The following DCC variants were observed in gnomAD, a reference collection of about 807,000 sequenced individuals.
DCC encodes netrin receptor DCC.
A neutral mutation model predicts 172.5 loss-of-function variants in DCC; 58 were observed. The observed-to-expected ratio is 0.34, with a 90% CI of 0.27 to 0.42. The LOEUF is 0.42. Ranked by LOEUF, DCC falls within the 10% of genes least tolerant of loss-of-function variation. DCC has a pLI of 1.00. For synonymous variants in DCC, 709 were observed against 644.5 expected (o/e 1.10, Z -1.52); for missense variants, 1,740 against 1,791.0 (o/e 0.97, Z 0.51).
rs1016112037 is a variant in DCC, at chr18:52,405,654, G to T, written c.91+64776G>T. On this transcript the variant is annotated intron_variant, in intron 1 of 28. Coordinates refer to ENST00000442544, the MANE Select transcript of DCC (RefSeq NM_005215.4). ...TCTTCAAGGAGAACTACAAACCACT[G>T]CTCAAGGAAATAAAAGAGGATACAA... Among the ~76,000 whole-genome samples the T allele has an allele frequency of 8.9e-4, 134 of 150,950 alleles. 1 individual carries two copies. The East Asian group carries it at 0.02, about 23-fold the overall frequency.
chr18:52,576,393 G>A (rs546065517), intron 1 of DCC, among the ~76,000 whole-genome samples: 1 of 152,278 alleles, frequency 6.6e-6, no homozygotes, highest in Admixed American at 6.5e-5. Context: ...TCGTGACTAA[G>A]AGTATATATG....
intron 21 of DCC, among the ~76,000 whole-genome samples, chr18:53,425,357 C>CTTTTTTTTTTTTTT (rs747096336): frequency 1.1e-4 from 11 of 101,650 alleles, no homozygotes; most frequent in East Asian, 2.9e-4. Flanking sequence ...TTTCTCCTCT[C>CTTTTTTTTTTTTTT]TTTTTTTTTT....
At chr18:53,343,815 TAGATTTAATTTTTTATAC>T (rs1315857419) in intron 15 of DCC, among the ~76,000 whole-genome samples, 1 of 152,064 alleles carries the variant, frequency 6.6e-6, no homozygotes, top group Non-Finnish European at 1.5e-5. Flanking sequence ...GCTTTGATAA[TAGATTTAATTTTTTATAC>T]AGATATAGGT....
chr18:53,217,099 G>A (rs2055863246), intron 12 of DCC, among the ~76,000 whole-genome samples: 1 of 152,026 alleles, frequency 6.6e-6, no homozygotes, highest in Non-Finnish European at 1.5e-5. Flanking sequence ...TTGTGTTTGT[G>A]TGTTCATACC....
At chr18:52,442,456 G>T (rs1428111540) in intron 1 of DCC, among the ~76,000 whole-genome samples, 2 of 152,128 alleles carry the variant, frequency 1.3e-5, no homozygotes, top group Non-Finnish European at 2.9e-5. Context: ...AGGTTACTTA[G>T]ACACCATCTG....
chr18:52,767,930 G>GT (rs1241612653), intron 2 of DCC, among the ~76,000 whole-genome samples: 2 of 152,192 alleles, frequency 1.3e-5, no homozygotes, highest in East Asian at 3.9e-4. Flanking sequence ...GGAAGAAAAT[G>GT]TGAGTGCTGA....
Position 52,348,725 on chromosome 18 carries a change from T to C in DCC, c.91+7847T>C, listed in dbSNP as rs150646343. On this transcript the variant is annotated intron_variant, in intron 1 of 28. Transcript: ENST00000442544. ...GGCATAGATGTTATCAGTAGTCTAA[T>C]GTTCAGGAAGTTGTCGCCTAATACT... Among the ~76,000 whole-genome samples the C allele has an allele frequency of 2.1e-4, 32 of 152,334 alleles. No homozygotes were observed. The East Asian group carries it at 5.4e-3, about 26-fold the overall frequency.
intron 5 of DCC, among the ~76,000 whole-genome samples, chr18:53,034,868 A>G (rs1164232811): frequency 6.6e-6 from 1 of 152,014 alleles, no homozygotes; most frequent in Non-Finnish European, 1.5e-5. Flanking sequence ...CATTTCAAAC[A>G]CATTCCTGAC....
intron 22 of DCC, among the ~76,000 whole-genome samples, chr18:53,442,985 TAAGAACAGAAGCCGTCTCTATA>T (rs750749574): frequency 1.8e-4 from 28 of 152,174 alleles, no homozygotes; most frequent in Non-Finnish European, 3.8e-4. Context: ...TCATGTGGTT[TAAGAACAGAAGCCGTCTCTATA>T]ACAGAAAAGT....
At chr18:53,278,068 C>CA (rs1053211338) in intron 12 of DCC, among the ~76,000 whole-genome samples, 4 of 151,814 alleles carry the variant, frequency 2.6e-5, no homozygotes, top group African/African-American at 9.7e-5. Flanking sequence ...ATCTTAATAA[C>CA]AAAAAAATTA....
chr18:52,461,213 G>A (rs1188089530), intron 1 of DCC, among the ~76,000 whole-genome samples: 3 of 151,980 alleles, frequency 2.0e-5, no homozygotes, highest in Non-Finnish European at 2.9e-5. Context: ...CTAGGCCTAC[G>A]CAGGGTCAGG....
At position 53,530,955 on chromosome 18, in the gene DCC, A is replaced by G. The variant is rs2144637812; in HGVS notation, c.*302A>G. On this transcript the variant is annotated 3_prime_UTR_variant, in exon 29 of 29. Coordinates refer to ENST00000442544, the MANE Select transcript of DCC (RefSeq NM_005215.4). Reference sequence around the variant, plus strand: ...GGGCCTTTGTCACTGCAGTGACCACACTGTCATAACTAATACCTATGTTTT... The same window carrying G: ...GGGCCTTTGTCACTGCAGTGACCACGCTGTCATAACTAATACCTATGTTTT... The G allele has an allele frequency of 2.1e-6, 1 of 477,390 alleles. No individual in the cohort carries two copies. Among genetic ancestry groups the G allele is most frequent in the East Asian group, 4.2e-5 (1 of 24,064 alleles). The allele number at this position is 477,390 out of a possible 1,614,324, so 29.6% of individuals were successfully genotyped here. A position where few individuals can be genotyped will look rare whatever the true frequency, so the allele number is the denominator to read the frequency against.
intron 23 of DCC, among the ~76,000 whole-genome samples, chr18:53,453,080 T>C (rs529210492): frequency 6.6e-6 from 1 of 152,158 alleles, no homozygotes; most frequent in East Asian, 1.9e-4. Flanking sequence ...CACGCCCAGC[T>C]AATTTCTTGA....
At chr18:53,099,626 T>C (rs2043134915) in intron 7 of DCC, among the ~76,000 whole-genome samples, 1 of 152,182 alleles carries the variant, frequency 6.6e-6, no homozygotes. Context: ...TAATATTTGT[T>C]GAGCACTATA....
chr18:53,231,380 A>G (rs141789122), intron 12 of DCC, among the ~76,000 whole-genome samples: 2 of 152,132 alleles, frequency 1.3e-5, no homozygotes, highest in African/African-American at 4.8e-5. Context: ...ACCTGTCATA[A>G]TAAGCAAATG....
intron 1 of DCC, among the ~76,000 whole-genome samples, chr18:52,531,840 C>A (rs778252593): frequency 2.0e-5 from 3 of 152,032 alleles, no homozygotes; most frequent in African/African-American, 4.8e-5. Flanking sequence ...TAAGGTGTTC[C>A]GGAATAGTGA....
chr18:52,549,174 T>G (rs1024319273), intron 1 of DCC, among the ~76,000 whole-genome samples: 2 of 152,050 alleles, frequency 1.3e-5, no homozygotes, highest in African/African-American at 4.8e-5. Context: ...CCTAATTGGA[T>G]TTTGGAGAGA....
At chr18:52,874,763 A>G (rs1419028368) in intron 2 of DCC, among the ~76,000 whole-genome samples, 1 of 152,180 alleles carries the variant, frequency 6.6e-6, no homozygotes, top group Non-Finnish European at 1.5e-5. Context: ...AAAGTTTATT[A>G]TATTTAGAGG....
Position 52,882,375 on chromosome 18 carries a change from T to C in DCC, c.413-23669T>C, listed in dbSNP as rs180790926. Among the ~76,000 whole-genome samples, 6 of 151,814 alleles carry C rather than the reference T, an allele frequency of 4.0e-5. No individual in the cohort carries two copies. In the East Asian group the frequency reaches 1.2e-3, roughly 29 times the overall value. On this transcript the variant is annotated intron_variant, in intron 2 of 28. Coordinates refer to ENST00000442544, the MANE Select transcript of DCC (RefSeq NM_005215.4). ...TCTTTTTTAGTTCTTTAAGATGCAT[T>C]ATTAGGTTATTTGAAGTTTTTGTTT...
Sources: gnomAD v4.1 joint callset for allele counts (sites outside exome capture counted in the v4.1 genomes callset) on GRCh38, gnomAD v4.1.1 for gene constraint, MANE v1.5 for transcripts, NCBI Gene and HGNC (gene_info 2026-07-23, HGNC 2026-07-21) for gene names.